The following SLC25A21 variants were observed in gnomAD, a reference collection of about 807,000 sequenced individuals.
SLC25A21 encodes solute carrier family 25 member 21.
A neutral mutation model predicts 43.8 loss-of-function variants in SLC25A21; 47 were observed. The observed-to-expected ratio is 1.07, with a 90% confidence interval of 0.85 to 1.37. The LOEUF (loss-of-function observed/expected upper bound fraction) is 1.37, where lower values mean the gene tolerates loss of function less well. SLC25A21 is among the 40% of genes most tolerant of loss of function. SLC25A21 has a pLI of 0.00. For missense variants in SLC25A21, 352 were observed against 350.2 expected (o/e 1.00, Z -0.04); for synonymous variants, 131 against 121.3 (o/e 1.08, Z -0.52).
intron 1 of SLC25A21, among the ~76,000 whole-genome samples, chr14:37,028,016 T>A (rs1961130019): frequency 1.3e-5 from 2 of 152,200 alleles, no homozygotes; most frequent in Admixed American, 1.3e-4. Context: ...ATCTTTAGTA[T>A]CTAAACTAAG....
intron 1 of SLC25A21, among the ~76,000 whole-genome samples, chr14:36,930,531 C>T (rs1399768965): frequency 6.6e-6 from 1 of 152,032 alleles, no homozygotes; most frequent in Non-Finnish European, 1.5e-5. Flanking sequence ...TGCCTTATAT[C>T]GATCTGTAAC....
Position 36,879,245 on chromosome 14 carries a change from CAT to C in SLC25A21, c.71-4243_71-4242del, listed in dbSNP as rs1890637736. Among the ~76,000 whole-genome samples the C allele has an allele frequency of 2.0e-5, 3 of 152,180 alleles. No individual in the cohort carries two copies. The South Asian group carries it at 6.2e-4, about 32-fold the overall frequency. ...AAAATAATTAGAAAAACATAAAACACATATTTTCTCAAATAACATACTACATT... is the reference window on the plus strand; with the variant it reads ...AAAATAATTAGAAAAACATAAAACACATTTTCTCAAATAACATACTACATT... On this transcript the variant is annotated intron_variant, in intron 1 of 9. Transcript: ENST00000331299.
chr14:36,908,703 G>A (rs1891600182), intron 1 of SLC25A21, among the ~76,000 whole-genome samples: 1 of 152,122 alleles, frequency 6.6e-6, no homozygotes, highest in Admixed American at 6.6e-5. Flanking sequence ...CTGTGGTTGT[G>A]GATACTTATA....
chr14:36,786,825 C>A (rs1436436395), intron 3 of SLC25A21, among the ~76,000 whole-genome samples: 1 of 152,268 alleles, frequency 6.6e-6, no homozygotes, highest in East Asian at 1.9e-4. Context: ...TATGGCACTG[C>A]AACCCAGGCC....
chr14:36,804,185 A>G (rs564204011), intron 3 of SLC25A21, among the ~76,000 whole-genome samples: 16 of 152,312 alleles, frequency 1.1e-4, no homozygotes, highest in African/African-American at 3.8e-4. Flanking sequence ...TTTCTTGTAC[A>G]TAGACCAGAA....
At chr14:36,844,151 A>G (rs1041239206) in intron 2 of SLC25A21, among the ~76,000 whole-genome samples, 3 of 152,202 alleles carry the variant, frequency 2.0e-5, no homozygotes, top group Non-Finnish European at 2.9e-5. Context: ...TACAGTACTA[A>G]AGTCAGCTGT....
intron 1 of SLC25A21, among the ~76,000 whole-genome samples, chr14:37,155,595 T>C (rs7143703): frequency 0.39 from 59,968 of 151,962 alleles, 12,732 homozygotes; most frequent in African/African-American, 0.56. Context: ...GTGAATTTCT[T>C]AGCAGAAACC....
At chr14:36,749,827 C>A (rs1021354303) in intron 3 of SLC25A21, among the ~76,000 whole-genome samples, 3 of 152,206 alleles carry the variant, frequency 2.0e-5, no homozygotes, top group Non-Finnish European at 2.9e-5. Context: ...CCCCTTTATT[C>A]TATTTAATGT....
chr14:36,777,132 C>A (rs1886865690), intron 3 of SLC25A21, among the ~76,000 whole-genome samples: 1 of 152,098 alleles, frequency 6.6e-6, no homozygotes, highest in South Asian at 2.1e-4. Flanking sequence ...GTGGTGGGTG[C>A]CTGTAGTCCC....
chr14:36,815,848 G>C (rs867529595), intron 2 of SLC25A21, among the ~76,000 whole-genome samples: 1 of 152,090 alleles, frequency 6.6e-6, no homozygotes. Context: ...TAGGGCTCTT[G>C]TTCCTTCTGT....
At chr14:36,919,721 T>C (rs933665667) in intron 1 of SLC25A21, among the ~76,000 whole-genome samples, 3 of 151,918 alleles carry the variant, frequency 2.0e-5, no homozygotes, top group Non-Finnish European at 4.4e-5. Flanking sequence ...TTTTGGGTAA[T>C]TACTCAAGAG....
At chr14:36,962,617 C>G (rs1252079775) in intron 1 of SLC25A21, among the ~76,000 whole-genome samples, 2 of 152,064 alleles carry the variant, frequency 1.3e-5, no homozygotes, top group African/African-American at 4.8e-5. Flanking sequence ...GCATAATGTC[C>G]TATAGATCCA....
intron 1 of SLC25A21, among the ~76,000 whole-genome samples, chr14:37,046,875 AC>A (rs904418793): frequency 2.0e-5 from 3 of 152,134 alleles, no homozygotes; most frequent in African/African-American, 7.2e-5. Context: ...AACTGTTTCT[AC>A]CCCACATAAC....
intron 7 of SLC25A21, among the ~76,000 whole-genome samples, chr14:36,686,237 T>C (rs1300015236): frequency 1.3e-5 from 2 of 152,170 alleles, no homozygotes; most frequent in Non-Finnish European, 2.9e-5. Flanking sequence ...ATCTGGGCCA[T>C]ACAGGTGCCG....
chr14:36,684,877 C>T lies in SLC25A21; in HGVS notation c.652G>A (p.Gly218Arg), dbSNP rs1882464417. The T allele has an allele frequency of 1.2e-6, 2 of 1,612,458 alleles. No homozygotes were observed. Among genetic ancestry groups the T allele is most frequent in the Non-Finnish European group, 1.7e-6 (2 of 1,179,662 alleles). The change falls in exon 8 of 10, where the codon GGG (glycine) becomes AGG (arginine). Residue 218 changes from glycine (G) to arginine (R), a missense_variant. Physicochemically the swap from Gly to Arg is moderately radical, Grantham distance 125. Transcript: ENST00000331299. ...ATGTTAATGACTGAGGCTATTGTCCCCGAGAGAAGACCAATCCCAAATTTT... is the reference window on the plus strand; with the variant it reads ...ATGTTAATGACTGAGGCTATTGTCCTCGAGAGAAGACCAATCCCAAATTTT... Reference protein sequence around the residue: ...WRKFGIGLLSGTIASVINIPF... With the variant: ...WRKFGIGLLSRTIASVINIPF...
intron 1 of SLC25A21, among the ~76,000 whole-genome samples, chr14:36,938,538 A>G (rs116214828): frequency 3.2e-4 from 48 of 152,200 alleles, no homozygotes; most frequent in African/African-American, 1.1e-3. Context: ...GCCTTAGTCT[A>G]TGTGCAGAAT....
intron 1 of SLC25A21, among the ~76,000 whole-genome samples, chr14:37,132,327 A>T (rs1205368264): frequency 2.6e-5 from 4 of 152,158 alleles, no homozygotes; most frequent in Non-Finnish European, 4.4e-5. Flanking sequence ...CTTCACAAGC[A>T]GAGGAGCTGG....
intron 1 of SLC25A21, chr14:37,172,009 T>C: frequency 2.2e-6 from 1 of 460,458 alleles, no homozygotes; most frequent in Non-Finnish European, 3.8e-6. Context: ...GCTCTGCCAC[T>C]TGCTTTACAG....
In SLC25A21 at chr14:36,772,163, C is replaced by T. The variant is rs576084042; in HGVS notation, c.204-37590G>A. ...TCAGGAGCAAGTTTTGCCCCAAAAG[C>T]CTACATAGGAAGTGAAAAGGGAGAG... On this transcript the variant is annotated intron_variant, in intron 3 of 9. Transcript: ENST00000331299. Among the ~76,000 whole-genome samples, 30 of 152,260 alleles carry T rather than the reference C, an allele frequency of 2.0e-4. 1 individual carries two copies. In the South Asian group the frequency reaches 3.5e-3, roughly 18 times the overall value.
Sources: allele counts gnomAD v4.1 joint callset (sites outside exome capture counted in the v4.1 genomes callset), GRCh38; gene constraint gnomAD v4.1.1; transcripts MANE v1.5; gene names NCBI Gene and HGNC (gene_info 2026-07-23, HGNC 2026-07-21).